Variants in RFX2 observed in about 807,000 individuals in gnomAD.
RFX2 encodes the protein regulatory factor X2.
Under a neutral mutation model 87.8 loss-of-function variants are expected in RFX2, and 20 were observed. That is an observed-to-expected ratio of 0.23 (90% CI 0.16 to 0.33). The LOEUF is 0.33. RFX2 is among the 10% of genes least tolerant of loss of function. RFX2 has a pLI of 1.00. For synonymous variants in RFX2, 397 were observed against 431.3 expected (o/e 0.92, Z 0.98); for missense variants, 767 against 1,012.3 (o/e 0.76, Z 3.29).
intron 1 of RFX2, among the ~76,000 whole-genome samples, chr19:6,105,723 TG>T (rs2144916527): frequency 6.6e-6 from 1 of 152,232 alleles, no homozygotes; most frequent in South Asian, 2.1e-4. Flanking sequence ...GGTCAGGTTC[TG>T]GGGAACTACT....
chr19:6,010,035 G>C lies in RFX2; in HGVS notation c.1015+101C>G. 1.6e-6 allele frequency: 1 copy of C among 615,974 alleles called. No homozygotes were observed. Among genetic ancestry groups the C allele is most frequent in the South Asian group, 2.7e-5 (1 of 36,736 alleles). 38.2% of individuals were successfully genotyped at this position (615,974 alleles called of 1,614,324 possible). A position where few individuals can be genotyped will look rare whatever the true frequency, so the allele number is the denominator to read the frequency against. On this transcript the variant is annotated intron_variant, in intron 9 of 17. Coordinates refer to ENST00000303657, the MANE Select transcript of RFX2 (RefSeq NM_000635.4). The surrounding 1 kb of genome is among the most constrained non-coding windows in gnomAD (Gnocchi z 5.0). ...AAAGGTGTCTCGTAAGAAAACTGTC[G>C]GAAGCAGACGCTTAGACACCACTGG...
At chr19:6,058,958 C>T (rs2087388399) in intron 1 of RFX2, among the ~76,000 whole-genome samples, 3 of 152,184 alleles carry the variant, frequency 2.0e-5, no homozygotes, top group South Asian at 2.1e-4. Flanking sequence ...AGTGGAAACA[C>T]CCGTTCCTTC....
At chr19:6,096,184 C>T (rs2088020419) in intron 1 of RFX2, among the ~76,000 whole-genome samples, 1 of 152,224 alleles carries the variant, frequency 6.6e-6, no homozygotes, top group African/African-American at 2.4e-5. Flanking sequence ...CGCCAATCTG[C>T]AGAAATATTT....
In RFX2 at chr19:6,012,935, C is replaced by T; in HGVS notation, c.899+51G>A. 1 of 1,423,394 alleles carries T rather than the reference C, an allele frequency of 7.0e-7. No individual in the cohort carries two copies. The allele number at this position is 1,423,394 out of a possible 1,614,324, so 88.2% of individuals were successfully genotyped here. A position where few individuals can be genotyped will look rare whatever the true frequency, so the allele number is the denominator to read the frequency against. On this transcript the variant is annotated intron_variant, in intron 8 of 17. Coordinates refer to ENST00000303657, the MANE Select transcript of RFX2 (RefSeq NM_000635.4). The surrounding 1 kb of genome is among the most constrained non-coding windows in gnomAD (Gnocchi z 4.6). ...TTTCGTGTTGGAGAAACACCCACCC[C>T]TCCATGCTCCAGGGGAGAGCCAGCT...
At chr19:6,030,885 G>A (rs1406807638) in intron 5 of RFX2, among the ~76,000 whole-genome samples, 3 of 152,130 alleles carry the variant, frequency 2.0e-5, no homozygotes, top group Admixed American at 2.0e-4. Flanking sequence ...TGAAAAACAT[G>A]AGTTTACTGA....
intron 16 of RFX2, among the ~76,000 whole-genome samples, 165 bp downstream of exon 16, chr19:5,996,895 G>A (rs1033717457): frequency 6.6e-6 from 1 of 152,334 alleles, no homozygotes; most frequent in African/African-American, 2.4e-5. Flanking sequence ...GTCCTGGCAC[G>A]GGTGGGCCCG....
intron 9 of RFX2, among the ~76,000 whole-genome samples, chr19:6,008,438 T>C (rs1185979080): frequency 2.0e-5 from 3 of 151,254 alleles, no homozygotes; most frequent in Non-Finnish European, 4.4e-5. Flanking sequence ...AGTGGCACGA[T>C]CTCGGTTCAC....
At chr19:6,036,052 A>G (rs2087018806) in intron 5 of RFX2, among the ~76,000 whole-genome samples, 1 of 152,232 alleles carries the variant, frequency 6.6e-6, no homozygotes, top group Non-Finnish European at 1.5e-5. Flanking sequence ...ATTGTTTCTC[A>G]GTAAATTTGT....
At position 6,026,915 on chromosome 19, in the gene RFX2, G is replaced by A. The variant is rs1032259318; in HGVS notation, c.523-678C>T. ...CTAACAGCAGAACTTCCTGGAGGAA[G>A]GGGCTTTTGAGTTGGATCCTGAAGG... On this transcript the variant is annotated intron_variant, in intron 5 of 17. Coordinates refer to ENST00000303657, the MANE Select transcript of RFX2 (RefSeq NM_000635.4). This position sits in a 1 kb window ranked among gnomAD's most constrained non-coding sequence, Gnocchi z 4.5. 6.6e-6 allele frequency among the ~76,000 whole-genome samples: 1 copy of A among 152,222 alleles called. No homozygotes were observed. Among genetic ancestry groups the A allele is most frequent in the Non-Finnish European group, 1.5e-5 (1 of 68,020 alleles).
At chr19:6,015,643 C>G (rs114102851) in intron 7 of RFX2, among the ~76,000 whole-genome samples, 1,822 of 151,928 alleles carry the variant, frequency 0.012, 33 homozygotes, top group African/African-American at 0.042. Flanking sequence ...TGTGCAAATA[C>G]GTGTGCACCA....
intron 1 of RFX2, among the ~76,000 whole-genome samples, chr19:6,108,270 T>C (rs2088251671): frequency 6.6e-6 from 1 of 152,196 alleles, no homozygotes; most frequent in South Asian, 2.1e-4. Flanking sequence ...CTTACTTCTC[T>C]GGTCAGAGTA....
chr19:6,033,935 G>A (rs1046949167), intron 5 of RFX2, among the ~76,000 whole-genome samples: 3 of 152,216 alleles, frequency 2.0e-5, no homozygotes, highest in Non-Finnish European at 4.4e-5. Flanking sequence ...GAATGTCAAA[G>A]GCAGGCAGTG....
intron 1 of RFX2, among the ~76,000 whole-genome samples, chr19:6,054,109 G>C (rs1222376430): frequency 9.2e-5 from 14 of 151,810 alleles, no homozygotes; most frequent in Admixed American, 9.2e-4. Context: ...AATGATAATA[G>C]AGAACTATTA....
rs375260279 is a variant in RFX2 at position 6,102,310 on chromosome 19, C to T, written c.-9+8083G>A. On this transcript the variant is annotated intron_variant, in intron 1 of 17. Transcript: ENST00000303657. ...AGCCTATTTGATACTGACTCCTCTT[C>T]CTTGTTGGTCTTTGGTCTTTGTAAC... Among the ~76,000 whole-genome samples the T allele has an allele frequency of 2.0e-4, 30 of 152,298 alleles. 1 individual carries two copies. Among genetic ancestry groups the T allele is most frequent in the African/African-American group, 7.2e-4 (30 of 41,554 alleles).
In RFX2 at chr19:6,007,725, G is replaced by T. The variant is rs2086602153; in HGVS notation, c.1212C>A (p.Ala404=). The change falls in exon 11 of 18, where the codon GCC becomes GCA. Residue 404 remains alanine, a synonymous_variant. Coordinates refer to ENST00000303657, the MANE Select transcript of RFX2 (RefSeq NM_000635.4). This position sits in a 1 kb window ranked among gnomAD's most constrained non-coding sequence, Gnocchi z 8.2. ...KLWLSFWNSK[A]SSSDGPTSLP... ...GAGAGGTGGGGCCGTCGCTGGAGGA[G>T]GCCTTAGAGTTCCAGAAGGAGAGCC... The T allele has an allele frequency of 3.2e-6, 5 of 1,555,666 alleles. No homozygotes were observed. The highest frequency in any genetic ancestry group is 3.9e-5 in the Admixed American group (2 of 51,888).
In RFX2 at chr19:6,002,754, G is replaced by A. The variant is rs1231476828; in HGVS notation, c.1617C>T (p.Ser539=). The A allele has an allele frequency of 7.4e-6, 12 of 1,613,842 alleles. No individual in the cohort carries two copies. Among genetic ancestry groups the A allele is most frequent in the Middle Eastern group, 3.4e-4 (2 of 5,970 alleles). ...TGGCAAAGTCCACGCGGTTGAGGTC[G>A]CTGAGCATCTGGTTGATCTGGGACG... The part of the protein sequence containing the change: ...QNTSQINQML[S]DLNRVDFANV... Residue 539 remains serine (S), a synonymous_variant, in exon 14 of 18, where the codon AGC becomes AGT. Coordinates refer to ENST00000303657, the MANE Select transcript of RFX2 (RefSeq NM_000635.4). The surrounding 1 kb of genome is among the most constrained non-coding windows in gnomAD (Gnocchi z 6.7).
rs1306382790 is a variant in RFX2 at position 6,047,615 on chromosome 19, A to C, written c.-8-111T>G. ...AGGAGTAACCAGCTACATTCTTCAA[A>C]GTCGAAAGGCAGAGACCCTGGTGGT... On this transcript the variant is annotated intron_variant, in intron 1 of 17. Transcript: ENST00000303657. This position sits in a 1 kb window ranked among gnomAD's most constrained non-coding sequence, Gnocchi z 4.2. 1.2e-6 allele frequency: 1 copy of C among 860,790 alleles called. No homozygotes were observed. Among genetic ancestry groups the C allele is most frequent in the African/African-American group, 1.7e-5 (1 of 59,070 alleles). The allele number at this position is 860,790 out of a possible 1,614,324, so 53.3% of individuals were successfully genotyped here.
In RFX2 at chr19:5,997,372, G is replaced by A. The variant is rs1324455211; in HGVS notation, c.1860-159C>T. On this transcript the variant is annotated intron_variant, in intron 15 of 17. Transcript: ENST00000303657. The surrounding 1 kb of genome is among the most constrained non-coding windows in gnomAD (Gnocchi z 4.2). ...CGTGCAGGCCTACGCGGGGGCTGAC[G>A]GGCTGCCGAGACCCTGGGCCCACGT... 1.6e-4 allele frequency: 132 copies of A among 816,502 alleles called. 1 individual carries two copies. The East Asian group carries it at 3.5e-3, about 22-fold the overall frequency. The allele number at this position is 816,502 out of a possible 1,614,324, so 50.6% of individuals were successfully genotyped here.
intron 1 of RFX2, chr19:6,073,297 C>T (rs936826672): frequency 1.9e-6 from 2 of 1,074,792 alleles, no homozygotes; most frequent in African/African-American, 3.1e-5. Flanking sequence ...ATCTTGATGC[C>T]CAACACTGGT....
Sources: allele counts gnomAD v4.1 joint callset (sites outside exome capture counted in the v4.1 genomes callset), GRCh38; gene constraint gnomAD v4.1.1; non-coding constraint Gnocchi (gnomAD v3.1); transcripts MANE v1.5; gene names NCBI Gene and HGNC (gene_info 2026-07-23, HGNC 2026-07-21).